PTCD2: variants seen among roughly 807,000 people sequenced by gnomAD.
PTCD2 encodes pentatricopeptide repeat-containing protein 2, mitochondrial.
A neutral mutation model predicts 42.6 loss-of-function variants in PTCD2; 31 were observed. The observed-to-expected ratio is 0.73, with a 90% CI of 0.55 to 0.98. PTCD2 has a LOEUF of 0.98. Ranked by LOEUF, PTCD2 falls within the 50% of genes least tolerant of loss-of-function variation. PTCD2 has a pLI of 0.00. For synonymous variants in PTCD2, 183 were observed against 170.9 expected, an observed-to-expected ratio of 1.07 and a Z score of -0.55; for missense variants, 476 against 454.8, an observed-to-expected ratio of 1.05 and a Z score of -0.42.
chr5:72,335,007 T>G lies in PTCD2; in HGVS notation c.469-11T>G. 6.4e-7 allele frequency: 1 copy of G among 1,554,378 alleles called. No homozygotes were observed. The highest frequency in any genetic ancestry group is 8.9e-7 in the Non-Finnish European group (1 of 1,126,274). ...AACTTTTAACCAAACTGTATTGTTC[T>G]TCTTCGTTAGCATTTACGAGGTTTC... is the stretch of plus-strand genomic sequence containing the variant. On this transcript the variant is annotated splice_polypyrimidine_tract_variant and intron_variant, in intron 4 of 9. Coordinates refer to ENST00000380639, the MANE Select transcript of PTCD2 (RefSeq NM_024754.5).
chr5:72,340,422 G>A (rs141799601), intron 7 of PTCD2, among the ~76,000 whole-genome samples: 1 of 152,048 alleles, frequency 6.6e-6, no homozygotes, highest in African/African-American at 2.4e-5. Flanking sequence ...ATAAAGATAA[G>A]GAAATGGGAA....
In PTCD2 at chr5:72,355,987, G is replaced by C. The variant is rs544849704; in HGVS notation, c.943-2216G>C. ...TCCATTTCCTCACTTCCACCCAAAGGCTTCTTCCTTCTGATAAAAGGGAGC... is the reference window on the plus strand; with the variant it reads ...TCCATTTCCTCACTTCCACCCAAAGCCTTCTTCCTTCTGATAAAAGGGAGC... On this transcript the variant is annotated intron_variant, in intron 9 of 9. Transcript: ENST00000380639. Among the ~76,000 whole-genome samples the C allele has an allele frequency of 2.6e-5, 4 of 152,248 alleles. No homozygotes were observed. The South Asian group carries it at 6.2e-4, about 24-fold the overall frequency.
intron 9 of PTCD2, among the ~76,000 whole-genome samples, chr5:72,357,959 A>G (rs934634461): frequency 2.6e-5 from 4 of 151,954 alleles, no homozygotes; most frequent in Non-Finnish European, 5.9e-5. Context: ...CACTACACCA[A>G]CTAATTTTTA....
At position 72,364,478 on chromosome 5, in the gene PTCD2, C is replaced by A. The variant is rs1753157403; in HGVS notation, c.*6051C>A. On this transcript the variant is annotated 3_prime_UTR_variant, in exon 10 of 10. Coordinates refer to ENST00000380639, the MANE Select transcript of PTCD2 (RefSeq NM_024754.5). The stretch of plus-strand genomic sequence containing the variant: ...TACACTGCCTTGTATTGTTACAGAT[C>A]TTTTTCTCCATATCCGGTCTCTCCT... The A allele has an allele frequency of 6.6e-6, 1 of 152,182 alleles. No individual in the cohort carries two copies. The highest frequency in any genetic ancestry group is 2.4e-5 in the African/African-American group (1 of 41,436). The allele number at this position is 152,182 out of a possible 1,614,324, so 9.4% of individuals were successfully genotyped here.
rs1753145210 is a variant in PTCD2 at position 72,363,867 on chromosome 5, C to T, written c.*5440C>T. ...TACATGAGACTTGACTAAAATAACCCACAATTCAAATTTCCTTCATAACAT... is the reference window on the plus strand; with the variant it reads ...TACATGAGACTTGACTAAAATAACCTACAATTCAAATTTCCTTCATAACAT... On this transcript the variant is annotated 3_prime_UTR_variant, in exon 10 of 10. Transcript: ENST00000380639. 6.6e-6 allele frequency: 1 copy of T among 152,106 alleles called. No homozygotes were observed. Among genetic ancestry groups the T allele is most frequent in the South Asian group, 2.1e-4 (1 of 4,824 alleles). The allele number at this position is 152,106 out of a possible 1,614,324, so 9.4% of individuals were successfully genotyped here. A position where few individuals can be genotyped will look rare whatever the true frequency, so the allele number is the denominator to read the frequency against.
At chr5:72,352,552 A>C (rs775294878) in intron 8 of PTCD2, 89 bp from the exon 9 acceptor site, 6 of 634,852 alleles carry the variant, frequency 9.5e-6, no homozygotes, top group Non-Finnish European at 1.7e-5. Flanking sequence ...GTAGGTGCCT[A>C]TAAATGAAGG....
rs908537744 is a variant in PTCD2 at position 72,366,814 on chromosome 5, C to T, written c.*8387C>T. ...CAATGTAAGTATCATGCAATGTGTC[C>T]ATGTGCGTGTACACGTGAGCACACA... On this transcript the variant is annotated 3_prime_UTR_variant, in exon 10 of 10. Transcript: ENST00000380639. 2.6e-5 allele frequency: 4 copies of T among 152,192 alleles called. No homozygotes were observed. Among genetic ancestry groups the T allele is most frequent in the African/African-American group, 9.6e-5 (4 of 41,452 alleles). The allele number at this position is 152,192 out of a possible 1,614,324, so 9.4% of individuals were successfully genotyped here. A position where few individuals can be genotyped will look rare whatever the true frequency, so the allele number is the denominator to read the frequency against.
intron 7 of PTCD2, among the ~76,000 whole-genome samples, chr5:72,339,789 A>C (rs150279734): frequency 6.6e-6 from 1 of 152,082 alleles, no homozygotes; most frequent in Admixed American, 6.5e-5. Context: ...TGAATCCCTC[A>C]CTTTAGCATT....
At chr5:72,353,344 A>G (rs1752712623) in intron 9 of PTCD2, among the ~76,000 whole-genome samples, 1 of 152,190 alleles carries the variant, frequency 6.6e-6, no homozygotes, top group African/African-American at 2.4e-5. Flanking sequence ...CTTGTCAGCA[A>G]ACAGTAGGAT....
rs75516853 is a variant in PTCD2 at position 72,333,529 on chromosome 5, C to T, written c.469-1489C>T. Among the ~76,000 whole-genome samples the T allele has an allele frequency of 6.7e-3, 1,021 of 152,152 alleles. 9 individuals carry two copies. Among genetic ancestry groups the T allele is most frequent in the African/African-American group, 0.021 (872 of 41,514 alleles). On this transcript the variant is annotated intron_variant, in intron 4 of 9. Transcript: ENST00000380639. ...GAACAGGGTCTGCATAGTAGGTGAT[C>T]GGAAAAGAGTGAACTTGAGCAAGGC... is the stretch of plus-strand genomic sequence containing the variant.
chr5:72,328,129 G>T (rs917868347), intron 3 of PTCD2, among the ~76,000 whole-genome samples: 2 of 152,138 alleles, frequency 1.3e-5, no homozygotes, highest in Non-Finnish European at 2.9e-5. Flanking sequence ...ACCCACACCA[G>T]AACTTAATGG....
In PTCD2 at chr5:72,358,583, CTG is replaced by C. The variant is rs1024325273; in HGVS notation, c.*157_*158del. 6 of 625,080 alleles carry C rather than the reference CTG, an allele frequency of 9.6e-6. No individual in the cohort carries two copies. In the Admixed American group the frequency reaches 1.6e-4, roughly 17 times the overall value. 38.7% of individuals were successfully genotyped at this position (625,080 alleles called of 1,614,324 possible). On this transcript the variant is annotated 3_prime_UTR_variant, in exon 10 of 10. Coordinates refer to ENST00000380639, the MANE Select transcript of PTCD2 (RefSeq NM_024754.5). Reference sequence around the variant, plus strand: ...TCACTGAATGGTACCATGCCGATCTCTGAGAAGTTATGTTGCACCACTGTGAA... The same window carrying C: ...TCACTGAATGGTACCATGCCGATCTCAGAAGTTATGTTGCACCACTGTGAA...
chr5:72,329,176 G>T (rs1351686252), intron 3 of PTCD2, among the ~76,000 whole-genome samples: 1 of 152,152 alleles, frequency 6.6e-6, no homozygotes, highest in African/African-American at 2.4e-5. Flanking sequence ...GTATGACTTA[G>T]TTCCTTTACT....
At chr5:72,346,819 A>G (rs1752383224) in intron 8 of PTCD2, among the ~76,000 whole-genome samples, 1 of 152,180 alleles carries the variant, frequency 6.6e-6, no homozygotes, top group Non-Finnish European at 1.5e-5. Context: ...GATTAGCAAG[A>G]TACTCTTCCA....
At chr5:72,321,394 A>G (rs1391315979) in intron 1 of PTCD2, 1 of 152,222 alleles carries the variant, frequency 6.6e-6, no homozygotes, top group East Asian at 1.9e-4. Context: ...AATTTGCCCA[A>G]AGTCAGAGGG....
chr5:72,347,690 C>A (rs1752427898), intron 8 of PTCD2, among the ~76,000 whole-genome samples: 1 of 151,900 alleles, frequency 6.6e-6, no homozygotes, highest in African/African-American at 2.4e-5. Context: ...CTGCCTCCAA[C>A]AACAACAAAA....
chr5:72,353,815 G>C (rs1752735048), intron 9 of PTCD2, among the ~76,000 whole-genome samples: 6 of 152,072 alleles, frequency 3.9e-5, no homozygotes. Context: ...AGATACAGTT[G>C]TATATATTCT....
At chr5:72,333,612 G>C (rs1159850935) in intron 4 of PTCD2, among the ~76,000 whole-genome samples, 1 of 152,182 alleles carries the variant, frequency 6.6e-6, no homozygotes, top group Non-Finnish European at 1.5e-5. Context: ...AAAATGTTGA[G>C]ATGTTAGCAA....
At chr5:72,337,561 C>T (rs1478849760) in intron 6 of PTCD2, among the ~76,000 whole-genome samples, 8 of 152,020 alleles carry the variant, frequency 5.3e-5, no homozygotes, top group African/African-American at 9.7e-5. Flanking sequence ...TTTGGGAGGC[C>T]GAGGCAGGCA....
Sources: allele counts gnomAD v4.1 joint callset (sites outside exome capture counted in the v4.1 genomes callset), GRCh38; gene constraint gnomAD v4.1.1; transcripts MANE v1.5; gene names NCBI Gene and HGNC (gene_info 2026-07-23, HGNC 2026-07-21).